The following DGKB variants were observed in gnomAD, a reference collection of about 807,000 sequenced individuals.
DGKB encodes the protein 90 kDa diacylglycerol kinase.
DGKB carries 67 observed loss-of-function variants against 114.3 expected under a neutral mutation model. That is an observed-to-expected ratio of 0.59 (90% CI 0.48 to 0.72). The LOEUF (loss-of-function observed/expected upper bound fraction) is 0.72, where lower values mean the gene tolerates loss of function less well. Among genes scored for constraint, DGKB ranks in the 30% least tolerant of loss-of-function variants. The probability of loss-of-function intolerance (pLI) is 0.00; values close to 1 mark genes in which losing one functional copy is unlikely to be tolerated. For missense variants in DGKB, 907 were observed against 975.2 expected (o/e 0.93, Z 0.93); for synonymous variants, 398 against 323.1 (o/e 1.23, Z -2.49).
chr7:14,887,539 A>C (rs1050787425), intron 1 of DGKB, among the ~76,000 whole-genome samples: 1 of 151,350 alleles, frequency 6.6e-6, no homozygotes, highest in African/African-American at 2.4e-5. Context: ...GTCTCCAACA[A>C]CTCCCCTTAA....
At chr7:14,836,157 G>T (rs2128130384) in intron 2 of DGKB, among the ~76,000 whole-genome samples, 1 of 152,214 alleles carries the variant, frequency 6.6e-6, no homozygotes, top group South Asian at 2.1e-4. Context: ...ATATTTGCCT[G>T]CAAAACCAAA....
intron 17 of DGKB, among the ~76,000 whole-genome samples, chr7:14,585,594 A>G (rs967680420): frequency 1.1e-4 from 17 of 152,150 alleles, no homozygotes; most frequent in African/African-American, 4.1e-4. Context: ...TTTGCTTTAC[A>G]TTCTTGCAAA....
intron 21 of DGKB, among the ~76,000 whole-genome samples, chr7:14,360,887 T>C (rs1001772940): frequency 8.5e-5 from 13 of 152,140 alleles, no homozygotes; most frequent in African/African-American, 3.1e-4. Flanking sequence ...TTCAGTGGTA[T>C]AGAAGAATTT....
intron 20 of DGKB, among the ~76,000 whole-genome samples, chr7:14,521,899 G>A (rs1178526959): frequency 2.0e-5 from 3 of 152,038 alleles, no homozygotes; most frequent in Non-Finnish European, 4.4e-5. Flanking sequence ...CTCTTCTTAA[G>A]ATGTATATTT....
At chr7:14,301,736 AAG>A (rs1315698727) in intron 23 of DGKB, among the ~76,000 whole-genome samples, 2 of 152,108 alleles carry the variant, frequency 1.3e-5, no homozygotes, top group African/African-American at 4.8e-5. Context: ...GAAGACTAAT[AAG>A]AGAGTAAAAA....
intron 23 of DGKB, among the ~76,000 whole-genome samples, chr7:14,218,194 A>G (rs975559528): frequency 2.6e-5 from 4 of 152,092 alleles, no homozygotes; most frequent in African/African-American, 9.6e-5. Context: ...GAGGTATTCC[A>G]GTATTCATGT....
At chr7:14,501,662 T>C (rs1422058876) in intron 20 of DGKB, among the ~76,000 whole-genome samples, 1 of 151,954 alleles carries the variant, frequency 6.6e-6, no homozygotes, top group Non-Finnish European at 1.5e-5. Flanking sequence ...TTCTGCTGGA[T>C]TTCATAATTG....
At chr7:14,959,630 C>T (rs1294713281) in intron 1 of DGKB, among the ~76,000 whole-genome samples, 12 of 151,616 alleles carry the variant, frequency 7.9e-5, no homozygotes, top group Admixed American at 7.9e-4. Context: ...TTCAGTGTGC[C>T]TGAAAGAAGT....
In DGKB at chr7:14,250,744, G is replaced by T. The variant is rs143795066; in HGVS notation, c.2123-72593C>A. The stretch of plus-strand genomic sequence containing the variant: ...TAATGGGGTATTGAAGTCCCCTACC[G>T]TTATTGCATTGTGGTTTATTTCTCC... On this transcript the variant is annotated intron_variant, in intron 23 of 25. Coordinates refer to ENST00000402815, the MANE Select transcript of DGKB (RefSeq NM_001350709.2). Among the ~76,000 whole-genome samples the T allele has an allele frequency of 4.6e-5, 7 of 152,142 alleles. No homozygotes were observed. The East Asian group carries it at 1.2e-3, about 25-fold the overall frequency.
intron 23 of DGKB, among the ~76,000 whole-genome samples, chr7:14,225,962 A>G (rs748995685): frequency 7.9e-5 from 12 of 151,998 alleles, no homozygotes; most frequent in Non-Finnish European, 1.5e-4. Flanking sequence ...GCTTGGTAGA[A>G]TTTCTATTTA....
chr7:14,900,689 T>C (rs1782883095), intron 1 of DGKB, among the ~76,000 whole-genome samples: 1 of 152,148 alleles, frequency 6.6e-6, no homozygotes. Flanking sequence ...ATTGTTTTAT[T>C]ACACAAATGA....
At chr7:14,188,643 A>G (rs910424758) in intron 23 of DGKB, among the ~76,000 whole-genome samples, 4 of 145,478 alleles carry the variant, frequency 2.7e-5, no homozygotes, top group Non-Finnish European at 6.0e-5. Flanking sequence ...CTGGGCGACA[A>G]AGCGAGACTC....
At chr7:14,210,772 C>G (rs1197214973) in intron 23 of DGKB, among the ~76,000 whole-genome samples, 6 of 152,088 alleles carry the variant, frequency 3.9e-5, no homozygotes, top group Non-Finnish European at 8.8e-5. Flanking sequence ...ATTGCTTTAG[C>G]AGTCTGCCAT....
intron 23 of DGKB, among the ~76,000 whole-genome samples, chr7:14,278,466 A>C (rs940607036): frequency 4.0e-4 from 61 of 152,194 alleles, no homozygotes; most frequent in Non-Finnish European, 1.6e-4. Flanking sequence ...CTTGATCCCT[A>C]TCTCATACCA....
At chr7:14,864,210 AAT>A (rs1311604283) in intron 1 of DGKB, among the ~76,000 whole-genome samples, 5 of 152,022 alleles carry the variant, frequency 3.3e-5, no homozygotes, top group African/African-American at 1.2e-4. Flanking sequence ...TATTTTACAT[AAT>A]AGTTTCGTAC....
chr7:14,690,421 T>C lies in DGKB; in HGVS notation c.711+3654A>G, dbSNP rs17668611. ...TAGTCCTCATGTCTTGCTGTGGTTG[T>C]CCGATTGTGCCAAGTAAAAGGTATT... is the stretch of plus-strand genomic sequence containing the variant. On this transcript the variant is annotated intron_variant, in intron 9 of 25. Transcript: ENST00000402815. Among the ~76,000 whole-genome samples, 739 of 152,340 alleles carry C rather than the reference T, an allele frequency of 4.9e-3. 2 individuals are homozygous for C. The highest frequency in any genetic ancestry group is 8.8e-3 in the Non-Finnish European group (597 of 68,010).
intron 2 of DGKB, among the ~76,000 whole-genome samples, chr7:14,829,147 G>A (rs1209795862): frequency 6.6e-6 from 1 of 151,960 alleles, no homozygotes; most frequent in African/African-American, 2.4e-5. Context: ...ATGGGTAGGG[G>A]TGCATCATGG....
At chr7:14,226,057 T>C (rs1190655574) in intron 23 of DGKB, among the ~76,000 whole-genome samples, 1 of 152,000 alleles carries the variant, frequency 6.6e-6, no homozygotes, top group African/African-American at 2.4e-5. Flanking sequence ...GGTCAAATTA[T>C]TATTTAGCTA....
At chr7:14,434,258 C>A (rs1306564214) in intron 21 of DGKB, among the ~76,000 whole-genome samples, 1 of 152,088 alleles carries the variant, frequency 6.6e-6, no homozygotes, top group African/African-American at 2.4e-5. Flanking sequence ...CCTTCTCTGT[C>A]CCAACTATGT....
Sources: allele counts gnomAD v4.1 joint callset (sites outside exome capture counted in the v4.1 genomes callset), GRCh38; gene constraint gnomAD v4.1.1; transcripts MANE v1.5; gene names NCBI Gene and HGNC (gene_info 2026-07-23, HGNC 2026-07-21).